PTPRD: variants seen among roughly 807,000 people sequenced by gnomAD.
The protein encoded by PTPRD is receptor-type tyrosine-protein phosphatase delta.
In PTPRD, 34 loss-of-function variants were observed where a neutral mutation model predicts 214.5. That is an observed-to-expected ratio of 0.16 (90% CI 0.12 to 0.21). The LOEUF is 0.21. Among genes scored for constraint, PTPRD ranks in the 10% least tolerant of loss-of-function variants. PTPRD has a pLI of 1.00. For missense variants in PTPRD, 2,545 were observed against 2,398.7 expected (o/e 1.06, Z -1.27); for synonymous variants, 1,128 against 845.7 (o/e 1.33, Z -5.79).
chr9:9,861,586 G>A (rs2062791128), intron 5 of PTPRD, among the ~76,000 whole-genome samples: 1 of 152,186 alleles, frequency 6.6e-6, no homozygotes, highest in Non-Finnish European at 1.5e-5. Flanking sequence ...ACCGCACATG[G>A]CCGAAATAGT....
At chr9:10,063,190 G>C (rs1294421773) in intron 3 of PTPRD, among the ~76,000 whole-genome samples, 1 of 152,006 alleles carries the variant, frequency 6.6e-6, no homozygotes, top group Non-Finnish European at 1.5e-5. Context: ...AAGAAGAATT[G>C]TGTAAATTCA....
At chr9:10,384,074 C>CAA (rs33977592) in intron 2 of PTPRD, among the ~76,000 whole-genome samples, 16,123 of 104,528 alleles carry the variant, frequency 0.15, 1,249 homozygotes, top group East Asian at 0.4. Context: ...TTAATGGGTA[C>CAA]AAAAAAAAAA....
intron 9 of PTPRD, among the ~76,000 whole-genome samples, chr9:9,255,721 C>G (rs904704721): frequency 3.3e-5 from 5 of 152,024 alleles, no homozygotes; most frequent in African/African-American, 1.2e-4. Flanking sequence ...AAAAGGGAAT[C>G]ATGATGATTG....
At chr9:9,571,175 A>G (rs2086262013) in intron 8 of PTPRD, among the ~76,000 whole-genome samples, 1 of 151,532 alleles carries the variant, frequency 6.6e-6, no homozygotes. Flanking sequence ...AAACACATGT[A>G]TGTTTGCATA....
chr9:8,321,479 G>GTATATATATA (rs1265617885), intron 44 of PTPRD, among the ~76,000 whole-genome samples: 10 of 58,120 alleles, frequency 1.7e-4, no homozygotes, highest in African/African-American at 5.8e-4. Flanking sequence ...GTGTGTGTGT[G>GTATATATATA]TGTGTGTGTA....
At chr9:8,353,399 C>A (rs1194812859) in intron 39 of PTPRD, among the ~76,000 whole-genome samples, 1 of 144,854 alleles carries the variant, frequency 6.9e-6, no homozygotes, top group Non-Finnish European at 1.5e-5. Context: ...AATCAGTATG[C>A]CTATTTATTT....
chr9:9,314,362 T>C (rs548124538), intron 9 of PTPRD, among the ~76,000 whole-genome samples: 2 of 152,214 alleles, frequency 1.3e-5, no homozygotes, highest in Admixed American at 1.3e-4. Context: ...TGTAATGAGG[T>C]AGTATATAAA....
intron 12 of PTPRD, among the ~76,000 whole-genome samples, chr9:8,720,798 G>A (rs2098485316): frequency 1.3e-5 from 2 of 152,010 alleles, no homozygotes; most frequent in South Asian, 2.1e-4. Flanking sequence ...TGACTCTAGG[G>A]CCTGAAGATG....
intron 11 of PTPRD, among the ~76,000 whole-genome samples, chr9:8,745,486 G>A (rs952772730): frequency 2.6e-5 from 4 of 152,166 alleles, no homozygotes; most frequent in African/African-American, 9.7e-5. Flanking sequence ...GAATCTCACT[G>A]AATGAAGGTA....
chr9:9,828,607 A>G (rs945588692), intron 5 of PTPRD, among the ~76,000 whole-genome samples: 1 of 151,940 alleles, frequency 6.6e-6, no homozygotes, highest in Non-Finnish European at 1.5e-5. Flanking sequence ...CATATGTAAC[A>G]AACCTACACG....
chr9:9,447,752 C>G (rs1320242849), intron 8 of PTPRD, among the ~76,000 whole-genome samples: 1 of 152,044 alleles, frequency 6.6e-6, no homozygotes, highest in African/African-American at 2.4e-5. Flanking sequence ...CTATGGGGTG[C>G]TAGGGTACCT....
At chr9:9,676,460 C>T (rs1272677845) in intron 7 of PTPRD, among the ~76,000 whole-genome samples, 5 of 151,942 alleles carry the variant, frequency 3.3e-5, no homozygotes, top group Admixed American at 1.3e-4. Flanking sequence ...ATGAACTCAT[C>T]ATTTTTTATG....
intron 9 of PTPRD, among the ~76,000 whole-genome samples, chr9:9,289,210 T>A (rs1165360072): frequency 1.3e-5 from 2 of 151,780 alleles, no homozygotes; most frequent in South Asian, 4.1e-4. Flanking sequence ...ACTAACACCA[T>A]CCTTCAAAAA....
chr9:9,541,832 A>C (rs1186018517), intron 8 of PTPRD, among the ~76,000 whole-genome samples: 1 of 151,758 alleles, frequency 6.6e-6, no homozygotes, highest in Non-Finnish European at 1.5e-5. Context: ...TGAGGTAATA[A>C]CTATGGTGTA....
chr9:8,771,399 T>G (rs1001343787), intron 11 of PTPRD, among the ~76,000 whole-genome samples: 9 of 152,272 alleles, frequency 5.9e-5, no homozygotes, highest in African/African-American at 2.2e-4. Context: ...CCAAGGAAAG[T>G]GTTTTATTCC....
intron 39 of PTPRD, among the ~76,000 whole-genome samples, chr9:8,368,281 A>G (rs1393635046): frequency 6.6e-6 from 1 of 152,168 alleles, no homozygotes; most frequent in Non-Finnish European, 1.5e-5. Context: ...TTAGCTGGCG[A>G]GTGAGGAAAG....
intron 11 of PTPRD, among the ~76,000 whole-genome samples, chr9:8,909,550 T>C (rs551450727): frequency 6.6e-6 from 1 of 152,254 alleles, no homozygotes; most frequent in Non-Finnish European, 1.5e-5. Flanking sequence ...CAAACACCCA[T>C]TCCAGATACA....
chr9:9,293,386 G>GTTTTTT (rs137924508), intron 9 of PTPRD, among the ~76,000 whole-genome samples: 5 of 138,436 alleles, frequency 3.6e-5, no homozygotes, highest in Middle Eastern at 3.7e-3. Flanking sequence ...TTGTTTGTTT[G>GTTTTTT]TTCTTTTTTT....
intron 5 of PTPRD, among the ~76,000 whole-genome samples, chr9:9,894,258 C>G (rs998703650): frequency 1.2e-4 from 19 of 152,134 alleles, no homozygotes; most frequent in South Asian, 4.1e-4. Flanking sequence ...CCCCACTCAG[C>G]CCCAGATTTC....
Sources: allele counts gnomAD v4.1 joint callset (sites outside exome capture counted in the v4.1 genomes callset), GRCh38; gene constraint gnomAD v4.1.1; transcripts MANE v1.5; gene names NCBI Gene and HGNC (gene_info 2026-07-23, HGNC 2026-07-21).